Variants in PARD3 observed in about 807,000 individuals in gnomAD.
PARD3 encodes the protein partitioning defective 3 homolog.
Under a neutral mutation model 155.4 loss-of-function variants are expected in PARD3, and 75 were observed. The observed-to-expected ratio is 0.48, with a 90% confidence interval of 0.40 to 0.58. The LOEUF (loss-of-function observed/expected upper bound fraction) is 0.58, where lower values mean the gene tolerates loss of function less well. PARD3 is among the 20% of genes least tolerant of loss of function. The probability of loss-of-function intolerance (pLI) is 0.00; values close to 1 mark genes in which losing one functional copy is unlikely to be tolerated. For missense variants in PARD3, 1,642 were observed against 1,721.7 expected (o/e 0.95, Z 0.82); for synonymous variants, 576 against 610.5 (o/e 0.94, Z 0.83).
chr10:34,634,139 G>A (rs2092382938), intron 2 of PARD3, among the ~76,000 whole-genome samples: 1 of 152,200 alleles, frequency 6.6e-6, no homozygotes, highest in Non-Finnish European at 1.5e-5. Context: ...AACTGGAAGA[G>A]CACTATTTGG....
At chr10:34,513,633 C>T (rs2081534650) in intron 3 of PARD3, among the ~76,000 whole-genome samples, 1 of 140,878 alleles carries the variant, frequency 7.1e-6, no homozygotes, top group Non-Finnish European at 1.6e-5. Flanking sequence ...AACTAGTAAT[C>T]ACATGTTTGT....
At chr10:34,491,315 T>C (rs1391999374) in intron 3 of PARD3, among the ~76,000 whole-genome samples, 3 of 152,244 alleles carry the variant, frequency 2.0e-5, no homozygotes, top group Non-Finnish European at 4.4e-5. Flanking sequence ...TAAATAACCA[T>C]TAACTATATA....
At chr10:34,501,988 G>C (rs1331365017) in intron 3 of PARD3, among the ~76,000 whole-genome samples, 1 of 152,110 alleles carries the variant, frequency 6.6e-6, no homozygotes, top group African/African-American at 2.4e-5. Flanking sequence ...AATAGAGCTT[G>C]TTTGCTCCTC....
At chr10:34,205,073 C>T (rs551451529) in intron 22 of PARD3, among the ~76,000 whole-genome samples, 23 of 152,310 alleles carry the variant, frequency 1.5e-4, no homozygotes, top group African/African-American at 5.1e-4. Flanking sequence ...GAAAACAACA[C>T]ACTGTAAACC....
intron 22 of PARD3, among the ~76,000 whole-genome samples, chr10:34,162,332 C>G (rs1564445026): frequency 6.6e-6 from 1 of 152,152 alleles, no homozygotes; most frequent in Non-Finnish European, 1.5e-5. Flanking sequence ...CAACTGGCAA[C>G]CTGCTTTCAG....
intron 2 of PARD3, among the ~76,000 whole-genome samples, chr10:34,669,604 A>T (rs575174551): frequency 1.1e-4 from 16 of 147,988 alleles, no homozygotes; most frequent in Non-Finnish European, 1.9e-4. Flanking sequence ...TAAAAACATT[A>T]AAAAAAAACA....
rs753835014 is a variant in PARD3 at position 34,317,343 on chromosome 10, G to C, written c.2834-5C>G. Reference sequence around the variant, plus strand: ...TTTCTTCTGTGTCTTCTTCCACTTGGAAGGAAAGAAAAAAAAATAGGGACA... The same window carrying C: ...TTTCTTCTGTGTCTTCTTCCACTTGCAAGGAAAGAAAAAAAAATAGGGACA... On this transcript the variant is annotated splice_region_variant and splice_polypyrimidine_tract_variant and intron_variant, in intron 19 of 24. Transcript: ENST00000374788. The C allele has an allele frequency of 2.5e-6, 4 of 1,579,112 alleles. No individual in the cohort carries two copies. The Admixed American group carries it at 5.7e-5, about 23-fold the overall frequency.
intron 22 of PARD3, among the ~76,000 whole-genome samples, chr10:34,199,252 G>A (rs1422656419): frequency 6.6e-6 from 1 of 152,130 alleles, no homozygotes; most frequent in African/African-American, 2.4e-5. Flanking sequence ...AGATAGATTT[G>A]AGCATATCTT....
At chr10:34,441,000 G>C (rs975069067) in intron 5 of PARD3, among the ~76,000 whole-genome samples, 4 of 152,150 alleles carry the variant, frequency 2.6e-5, no homozygotes, top group Admixed American at 2.6e-4. Context: ...TTTTGTGTCA[G>C]ATTATGTTCT....
rs199910917 is a variant in PARD3 at position 34,795,609 on chromosome 10, C to CA, written c.120+19266dup. Among the ~76,000 whole-genome samples, 140 of 148,668 alleles carry CA rather than the reference C, an allele frequency of 9.4e-4. 1 individual carries two copies. The East Asian group carries it at 0.022, about 23-fold the overall frequency. The stretch of plus-strand genomic sequence containing the variant: ...TGGGCAACAGAGCAAGACCCTGTCT[C>CA]AAAAAAAAACCGGGCGTGGTGGCTC... On this transcript the variant is annotated intron_variant, in intron 1 of 24. Transcript: ENST00000374788.
chr10:34,381,543 A>T (rs80010706), intron 9 of PARD3, among the ~76,000 whole-genome samples: 8 of 152,298 alleles, frequency 5.3e-5, no homozygotes, highest in African/African-American at 1.9e-4. Flanking sequence ...CTATACAGAG[A>T]TCCACTGTAT....
intron 2 of PARD3, among the ~76,000 whole-genome samples, chr10:34,637,705 A>G (rs1304307055): frequency 6.6e-6 from 1 of 152,236 alleles, no homozygotes; most frequent in Non-Finnish European, 1.5e-5. Flanking sequence ...AAAGAAGGGC[A>G]GAGCAAATGG....
chr10:34,418,341 A>G (rs2132389560), intron 5 of PARD3, among the ~76,000 whole-genome samples: 1 of 151,954 alleles, frequency 6.6e-6, no homozygotes, highest in East Asian at 1.9e-4. Flanking sequence ...CACCTGGCTA[A>G]TTCTTATATT....
At chr10:34,612,049 A>G (rs2090947881) in intron 2 of PARD3, among the ~76,000 whole-genome samples, 2 of 151,292 alleles carry the variant, frequency 1.3e-5, no homozygotes, top group Admixed American at 1.3e-4. Flanking sequence ...GATGGTCTCG[A>G]TCCCCTCACC....
chr10:34,346,322 A>G (rs1329057403), intron 15 of PARD3: 3 of 1,265,976 alleles, frequency 2.4e-6, no homozygotes, highest in Non-Finnish European at 2.1e-6. Context: ...GAATTTAGGG[A>G]TTTTTTTGGT....
At chr10:34,145,998 C>T (rs573180763) in intron 22 of PARD3, among the ~76,000 whole-genome samples, 24 of 152,134 alleles carry the variant, frequency 1.6e-4, no homozygotes, top group Middle Eastern at 3.4e-3. Flanking sequence ...CCATGTCTTC[C>T]GAAGAGAATC....
chr10:34,260,000 G>A (rs756098004), intron 22 of PARD3, among the ~76,000 whole-genome samples: 1 of 152,018 alleles, frequency 6.6e-6, no homozygotes. Context: ...GTGCCACTAT[G>A]CCCAGGTAAT....
At chr10:34,722,626 C>A (rs187563471) in intron 1 of PARD3, among the ~76,000 whole-genome samples, 11 of 152,270 alleles carry the variant, frequency 7.2e-5, no homozygotes, top group African/African-American at 2.6e-4. Context: ...ACACTTCCTG[C>A]GCACACTTGC....
rs1470392402 is a variant in PARD3 at position 34,317,118 on chromosome 10, T to A, written c.3054A>T (p.Gly1018=). The part of the protein sequence containing the change: ...KAKKGMLKGL[G]DMFRFGKHRK... ...TGGTAACGACTTACCTGAACATGTC[T>A]CCCAAGCCCTTCAGCATTCCCTTCT... The change falls in exon 20 of 25, where the codon GGA becomes GGT. Residue 1018 remains glycine (G), a synonymous_variant. Coordinates refer to ENST00000374788, the MANE Select transcript of PARD3 (RefSeq NM_001184785.2). 3 of 1,555,072 alleles carry A rather than the reference T, an allele frequency of 1.9e-6. No individual in the cohort carries two copies. In the Admixed American group the frequency reaches 5.9e-5, roughly 31 times the overall value.
Sources: allele counts gnomAD v4.1 joint callset (sites outside exome capture counted in the v4.1 genomes callset), GRCh38; gene constraint gnomAD v4.1.1; transcripts MANE v1.5; gene names NCBI Gene and HGNC (gene_info 2026-07-23, HGNC 2026-07-21).